MTMR7: variants seen among roughly 807,000 people sequenced by gnomAD.
MTMR7 encodes the protein phosphatidylinositol-3-phosphate phosphatase MTMR7.
Under a neutral mutation model 81.2 loss-of-function variants are expected in MTMR7, and 76 were observed. The observed-to-expected ratio is 0.94, with a 90% CI of 0.78 to 1.13. The LOEUF is 1.13. Among genes scored for constraint, MTMR7 ranks in the 50% most tolerant of loss-of-function variants. The pLI, the probability that MTMR7 is intolerant of heterozygous loss-of-function variation, is 0.00. For missense variants in MTMR7, 1,044 were observed against 820.0 expected, an observed-to-expected ratio of 1.27 and a Z score of -3.34; for synonymous variants, 372 against 289.8, an observed-to-expected ratio of 1.28 and a Z score of -2.88.
At chr8:17,394,477 T>C (rs1644996270) in intron 1 of MTMR7, among the ~76,000 whole-genome samples, 1 of 152,122 alleles carries the variant, frequency 6.6e-6, no homozygotes, top group African/African-American at 2.4e-5. Context: ...ATGATTCCAT[T>C]TATATAAAAT....
At chr8:17,369,289 A>G (rs1820333004) in intron 3 of MTMR7, among the ~76,000 whole-genome samples, 1 of 152,160 alleles carries the variant, frequency 6.6e-6, no homozygotes, top group Non-Finnish European at 1.5e-5. Context: ...CTTTTAACAC[A>G]CTTGGATGAA....
intron 7 of MTMR7, among the ~76,000 whole-genome samples, chr8:17,327,716 G>C (rs534700704): frequency 2.6e-5 from 4 of 151,934 alleles, no homozygotes; most frequent in East Asian, 1.9e-4. Flanking sequence ...TAAATATTTA[G>C]AGCACTAGTT....
At chr8:17,368,286 C>G (rs914617876) in intron 3 of MTMR7, among the ~76,000 whole-genome samples, 3 of 152,192 alleles carry the variant, frequency 2.0e-5, no homozygotes, top group Non-Finnish European at 2.9e-5. Flanking sequence ...CCGCCCGCTT[C>G]CTAACCCGCC....
At position 17,413,255 on chromosome 8, in the gene MTMR7, C is replaced by A. The variant is rs76718364; in HGVS notation, c.24+14G>T. On this transcript the variant is annotated intron_variant, in intron 1 of 13. Coordinates refer to ENST00000180173, the MANE Select transcript of MTMR7 (RefSeq NM_004686.5). ...TCCTCCCGTCCCTCCTCCGCCCGCGCTGGTGTCACCAACCTTGGGCGTACG... is the reference window on the plus strand; with the variant it reads ...TCCTCCCGTCCCTCCTCCGCCCGCGATGGTGTCACCAACCTTGGGCGTACG... The A allele has an allele frequency of 0.27, 421,045 of 1,547,668 alleles. 61,782 individuals are homozygous for A. Among genetic ancestry groups the A allele is most frequent in the South Asian group, 0.3 (24,803 of 83,980 alleles).
chr8:17,344,806 G>A (rs745337556), intron 5 of MTMR7, among the ~76,000 whole-genome samples: 2 of 152,100 alleles, frequency 1.3e-5, no homozygotes, highest in Non-Finnish European at 2.9e-5. Context: ...CTAACACATA[G>A]GAAGTTTCAA....
intron 4 of MTMR7, among the ~76,000 whole-genome samples, chr8:17,358,781 G>C (rs1819973460): frequency 6.6e-6 from 1 of 152,098 alleles, no homozygotes; most frequent in African/African-American, 2.4e-5. Flanking sequence ...CCTTTTGGTA[G>C]ATTCAGGAAA....
At chr8:17,410,307 A>G (rs1821703442) in intron 1 of MTMR7, among the ~76,000 whole-genome samples, 1 of 152,234 alleles carries the variant, frequency 6.6e-6, no homozygotes, top group Non-Finnish European at 1.5e-5. Context: ...CAAAGCATAT[A>G]AAGTAGAAAT....
chr8:17,382,757 A>G (rs1444088315), intron 1 of MTMR7, among the ~76,000 whole-genome samples: 8 of 152,212 alleles, frequency 5.3e-5, no homozygotes, highest in Admixed American at 3.3e-4. Flanking sequence ...AAATTCAGAC[A>G]GAGTCCTTTT....
intron 3 of MTMR7, among the ~76,000 whole-genome samples, chr8:17,363,594 A>C (rs977904922): frequency 1.3e-5 from 2 of 152,112 alleles, no homozygotes; most frequent in African/African-American, 4.8e-5. Context: ...GAAATTATGA[A>C]ATTTTCCCTT....
At chr8:17,410,047 G>T (rs910614896) in intron 1 of MTMR7, among the ~76,000 whole-genome samples, 3 of 152,134 alleles carry the variant, frequency 2.0e-5, no homozygotes, top group African/African-American at 7.2e-5. Flanking sequence ...ACAAAGGGAA[G>T]CCACCTAGGA....
chr8:17,379,828 C>A (rs1053778844), intron 1 of MTMR7, among the ~76,000 whole-genome samples: 1 of 151,960 alleles, frequency 6.6e-6, no homozygotes, highest in Non-Finnish European at 1.5e-5. Context: ...TAGTGAAGCA[C>A]CACAGGAAAT....
At chr8:17,372,967 A>G (rs1166849687) in intron 2 of MTMR7, 151 bp downstream of exon 2, 5 of 872,900 alleles carry the variant, frequency 5.7e-6, no homozygotes, top group African/African-American at 1.7e-5. Context: ...GACTGCACAG[A>G]AAAAGTCCAA....
chr8:17,411,030 A>G (rs749433883), intron 1 of MTMR7, among the ~76,000 whole-genome samples: 2 of 152,312 alleles, frequency 1.3e-5, no homozygotes, highest in Non-Finnish European at 2.9e-5. Flanking sequence ...ATAAAGATGA[A>G]TATGACCAGT....
rs116821143 is a variant in MTMR7 at position 17,401,117 on chromosome 8, T to G, written c.24+12152A>C. ...TGTATGCATGTGTGTGGTATGTGTA[T>G]GTGTGTAGGTGTGTATGTATGTTAC... On this transcript the variant is annotated intron_variant, in intron 1 of 13. Transcript: ENST00000180173. 2.3e-3 allele frequency among the ~76,000 whole-genome samples: 348 copies of G among 152,282 alleles called. 2 individuals carry two copies. The highest frequency in any genetic ancestry group is 8.1e-3 in the African/African-American group (338 of 41,562).
At chr8:17,312,747 T>C (rs958520535) in intron 8 of MTMR7, among the ~76,000 whole-genome samples, 42 of 152,224 alleles carry the variant, frequency 2.8e-4, no homozygotes, top group African/African-American at 9.4e-4. Flanking sequence ...ACAGGGAACA[T>C]ACCATGGCAT....
chr8:17,348,249 G>C (rs552891266), intron 5 of MTMR7, among the ~76,000 whole-genome samples: 1 of 151,964 alleles, frequency 6.6e-6, no homozygotes, highest in Non-Finnish European at 1.5e-5. Flanking sequence ...TTAAAAACAG[G>C]TAATAAGGCC....
intron 1 of MTMR7, among the ~76,000 whole-genome samples, chr8:17,402,203 G>T (rs1049330680): frequency 3.0e-4 from 45 of 152,116 alleles, no homozygotes; most frequent in African/African-American, 1.0e-3. Flanking sequence ...GGTAAATGGG[G>T]TATCTAGCTC....
At chr8:17,337,751 G>A (rs745306986) in intron 6 of MTMR7, among the ~76,000 whole-genome samples, 4 of 152,150 alleles carry the variant, frequency 2.6e-5, no homozygotes, top group South Asian at 2.1e-4. Context: ...AAATAGCTGG[G>A]ACTACAGGCC....
At chr8:17,312,225 G>C (rs1009991872) in intron 8 of MTMR7, among the ~76,000 whole-genome samples, 4 of 152,162 alleles carry the variant, frequency 2.6e-5, no homozygotes, top group African/African-American at 9.7e-5. Flanking sequence ...AAACATGGGA[G>C]AGATTTCATC....
Sources: allele counts gnomAD v4.1 joint callset (sites outside exome capture counted in the v4.1 genomes callset), GRCh38; gene constraint gnomAD v4.1.1; transcripts MANE v1.5; gene names NCBI Gene and HGNC (gene_info 2026-07-23, HGNC 2026-07-21).